ITCH: variants seen among roughly 807,000 people sequenced by gnomAD.
ITCH encodes itchy E3 ubiquitin protein ligase.
A neutral mutation model predicts 126.8 loss-of-function variants in ITCH; 28 were observed. That is an observed-to-expected ratio of 0.22 (90% confidence interval 0.16 to 0.30). The LOEUF is 0.30. Ranked by LOEUF, ITCH falls within the 10% of genes least tolerant of loss-of-function variation. ITCH has a pLI of 1.00. For missense variants in ITCH, 631 were observed against 1,032.4 expected (o/e 0.61, Z 5.33); for synonymous variants, 342 against 340.0 (o/e 1.01, Z -0.06).
intron 14 of ITCH, among the ~76,000 whole-genome samples, chr20:34,469,318 T>C (rs1987401487): frequency 6.6e-6 from 1 of 152,074 alleles, no homozygotes; most frequent in African/African-American, 2.4e-5. Flanking sequence ...AGACGGAGTC[T>C]AGCTTTGTCA....
In ITCH at chr20:34,470,046, A is replaced by G. The variant is rs1277323172; in HGVS notation, c.1425-2A>G. On this transcript the variant is annotated splice_acceptor_variant, in intron 14 of 24. Transcript: ENST00000374864. LOFTEE classifies it high-confidence loss of function. Reference sequence around the variant, plus strand: ...GTCCTGTTAACCCTTGTTCTTCCTCAGAGACAATGGACCTCAGATAGCCTA... The same window carrying G: ...GTCCTGTTAACCCTTGTTCTTCCTCGGAGACAATGGACCTCAGATAGCCTA... The G allele has an allele frequency of 6.2e-7, 1 of 1,612,764 alleles. No individual in the cohort carries two copies. Among genetic ancestry groups the G allele is most frequent in the Non-Finnish European group, 8.5e-7 (1 of 1,178,828 alleles).
intron 20 of ITCH, among the ~76,000 whole-genome samples, chr20:34,485,211 G>A (rs1378236565): frequency 6.6e-6 from 1 of 151,956 alleles, no homozygotes; most frequent in Non-Finnish European, 1.5e-5. Flanking sequence ...AAATGTTTTG[G>A]TTGTTTCTCA....
chr20:34,496,008 C>T (rs1167756254), intron 23 of ITCH, among the ~76,000 whole-genome samples: 4 of 148,530 alleles, frequency 2.7e-5, no homozygotes, highest in Non-Finnish European at 4.4e-5. Flanking sequence ...TGAGGCACAA[C>T]AATTGCTTGA....
intron 7 of ITCH, among the ~76,000 whole-genome samples, chr20:34,430,062 A>T (rs1982077071): frequency 6.6e-6 from 1 of 152,208 alleles, no homozygotes; most frequent in African/African-American, 2.4e-5. Flanking sequence ...GGTGATTAGA[A>T]AGTAGAATCA....
At position 34,462,228 on chromosome 20, in the gene ITCH, T is replaced by G. The variant is rs1292310739; in HGVS notation, c.1424+7T>G. 1 of 1,613,190 alleles carries G rather than the reference T, an allele frequency of 6.2e-7. No homozygotes were observed. The highest frequency in any genetic ancestry group is 1.1e-5 in the South Asian group (1 of 91,074). Reference sequence around the variant, plus strand: ...GCACAGGAAAATCTGCCCTGTAAGTTTTCTAAACATTGTAGATTAAGAGTA... The same window carrying G: ...GCACAGGAAAATCTGCCCTGTAAGTGTTCTAAACATTGTAGATTAAGAGTA... On this transcript the variant is annotated splice_region_variant and intron_variant, in intron 14 of 24. Coordinates refer to ENST00000374864, the MANE Select transcript of ITCH (RefSeq NM_031483.7).
intron 5 of ITCH, among the ~76,000 whole-genome samples, 173 bp downstream of exon 5, chr20:34,412,812 G>C (rs886265543): frequency 6.6e-6 from 1 of 151,868 alleles, no homozygotes; most frequent in Admixed American, 6.6e-5. Flanking sequence ...GAGTAACCTT[G>C]GTTTGACCAT....
intron 2 of ITCH, among the ~76,000 whole-genome samples, chr20:34,385,800 A>T (rs1389881345): frequency 6.6e-6 from 1 of 152,202 alleles, no homozygotes; most frequent in African/African-American, 2.4e-5. Context: ...AAAGTGGGAA[A>T]GGAGCTTTTA....
rs1421275921 is a variant in ITCH at position 34,511,498 on chromosome 20, C to T, written c.*3704C>T. ...GTGACCAGGTCACATAGATTTCTGC[C>T]TCTCTGCTTTTTTAAGTGGCAAGTT... On this transcript the variant is annotated 3_prime_UTR_variant, in exon 25 of 25. Coordinates refer to ENST00000374864, the MANE Select transcript of ITCH (RefSeq NM_031483.7). 1.3e-5 allele frequency: 2 copies of T among 152,172 alleles called. No individual in the cohort carries two copies. The highest frequency in any genetic ancestry group is 4.8e-5 in the African/African-American group (2 of 41,418). 9.4% of individuals were successfully genotyped at this position (152,172 alleles called of 1,614,324 possible).
rs952045215 is a variant in ITCH at position 34,508,898 on chromosome 20, A to G, written c.*1104A>G. 2 of 152,208 alleles carry G rather than the reference A, an allele frequency of 1.3e-5. No individual in the cohort carries two copies. The highest frequency in any genetic ancestry group is 2.9e-5 in the Non-Finnish European group (2 of 68,030). The allele number at this position is 152,208 out of a possible 1,614,324, so 9.4% of individuals were successfully genotyped here. On this transcript the variant is annotated 3_prime_UTR_variant, in exon 25 of 25. Coordinates refer to ENST00000374864, the MANE Select transcript of ITCH (RefSeq NM_031483.7). ...AGAGGTCAGTGAAACAGCTTTTGAC[A>G]TCAGATTTTCATTTGAGAGGGAGAG...
chr20:34,372,472 T>C, intron 2 of ITCH, among the ~76,000 whole-genome samples: 1 of 135,244 alleles, frequency 7.4e-6, no homozygotes, highest in African/African-American at 2.7e-5. Flanking sequence ...CCTCCGCCTC[T>C]CGGGTTCAAG....
chr20:34,364,878 G>C lies in ITCH; in HGVS notation c.-99+1529G>C, dbSNP rs184601444. ...TGCACTCCAGCCTGGGCGACAGAGC[G>C]AGACTCCGCCTCAAAAAAAAAAAAA... On this transcript the variant is annotated intron_variant, in intron 1 of 24. Coordinates refer to ENST00000374864, the MANE Select transcript of ITCH (RefSeq NM_031483.7). Among the ~76,000 whole-genome samples, 257 of 121,292 alleles carry C rather than the reference G, an allele frequency of 2.1e-3. 9 individuals carry two copies. Among genetic ancestry groups the C allele is most frequent in the East Asian group, 0.019 (78 of 4,090 alleles). The allele number at this position is 121,292 out of a possible 152,430, so 79.6% of individuals were successfully genotyped here.
At chr20:34,464,858 G>A (rs557430189) in intron 14 of ITCH, among the ~76,000 whole-genome samples, 4 of 151,912 alleles carry the variant, frequency 2.6e-5, no homozygotes, top group South Asian at 4.2e-4. Context: ...TTTTAGCTAC[G>A]CACCAACACG....
chr20:34,486,282 A>T (rs1278433328), intron 20 of ITCH, among the ~76,000 whole-genome samples: 1 of 151,198 alleles, frequency 6.6e-6, no homozygotes, highest in African/African-American at 2.4e-5. Context: ...GGTCTCCCAA[A>T]GTGCTGGAAT....
At chr20:34,462,016 GA>G in intron 13 of ITCH, 76 bp from the exon 14 acceptor site, 1 of 1,408,076 alleles carries the variant, frequency 7.1e-7, no homozygotes, top group Non-Finnish European at 1.0e-6. Context: ...TATGTTTATT[GA>G]CATTTGTAGC....
At chr20:34,411,951 T>C (rs112027082) in intron 4 of ITCH, among the ~76,000 whole-genome samples, 5 of 152,354 alleles carry the variant, frequency 3.3e-5, no homozygotes, top group African/African-American at 9.6e-5. Context: ...ACTTGATGTA[T>C]GTAATGTAAT....
chr20:34,403,059 T>A (rs143249717), intron 3 of ITCH, among the ~76,000 whole-genome samples: 1 of 152,160 alleles, frequency 6.6e-6, no homozygotes, highest in African/African-American at 2.4e-5. Flanking sequence ...AATTTTATAC[T>A]TGTGATTTAG....
At chr20:34,472,372 TAAAAAAAAAAAAA>T (rs527802058) in intron 16 of ITCH, among the ~76,000 whole-genome samples, 3 of 79,704 alleles carry the variant, frequency 3.8e-5, no homozygotes, top group Non-Finnish European at 5.3e-5. Flanking sequence ...CATCTCAATT[TAAAAAAAAAAAAA>T]AAAAAAAAAA....
At chr20:34,400,646 C>CTTTT (rs760416482) in intron 3 of ITCH, among the ~76,000 whole-genome samples, 2,419 of 119,954 alleles carry the variant, frequency 0.02, 102 homozygotes, top group African/African-American at 0.042. Flanking sequence ...AAAAATTTTT[C>CTTTT]TTTTTTTTTT....
chr20:34,396,605 C>G (rs532160494), intron 3 of ITCH, among the ~76,000 whole-genome samples: 1 of 151,044 alleles, frequency 6.6e-6, no homozygotes, highest in South Asian at 2.1e-4. Context: ...AACTTCTAGG[C>G]TGAAGTGATC....
Sources: gnomAD v4.1 joint callset for allele counts (sites outside exome capture counted in the v4.1 genomes callset) on GRCh38, gnomAD v4.1.1 for gene constraint, MANE v1.5 for transcripts, NCBI Gene and HGNC (gene_info 2026-07-23, HGNC 2026-07-21) for gene names.